Variants in PDXDC1 observed in about 807,000 individuals in gnomAD.
PDXDC1 encodes the protein pyridoxal-dependent decarboxylase domain-containing protein 1.
In PDXDC1, 42 loss-of-function variants were observed where a neutral mutation model predicts 100.1. The observed-to-expected ratio is 0.42, with a 90% CI of 0.33 to 0.54. The LOEUF is 0.54. PDXDC1 is among the 20% of genes least tolerant of loss of function. The pLI, the probability that PDXDC1 is intolerant of heterozygous loss-of-function variation, is 0.10. For missense variants in PDXDC1, 636 were observed against 979.2 expected (o/e 0.65, Z 4.68); for synonymous variants, 260 against 371.7 (o/e 0.70, Z 3.46).
intron 16 of PDXDC1, chr16:15,091,220 G>T: frequency 6.7e-7 from 1 of 1,490,692 alleles, no homozygotes. Context: ...CATGGAGAGA[G>T]CAAGTTCTGG....
At chr16:14,999,258 G>C (rs1340818301) in intron 3 of PDXDC1, among the ~76,000 whole-genome samples, 1 of 152,284 alleles carries the variant, frequency 6.6e-6, no homozygotes, top group African/African-American at 2.4e-5. Context: ...GTAGAGACGG[G>C]GTTTCACCAT....
At chr16:15,091,271 C>A (rs3893780) in intron 16 of PDXDC1, 23 of 1,604,920 alleles carry the variant, frequency 1.4e-5, no homozygotes, top group Admixed American at 3.4e-5. Flanking sequence ...TGTCTGTATA[C>A]AGTGGCAATA....
At position 15,055,992 on chromosome 16, in the gene PDXDC1, C is replaced by T. The variant is rs1213487076; in HGVS notation, c.1399+25936C>T. ...GGCATCGCGGAGGCGGCCGCCCAGG[C>T]AGGCCCAGGGAGGCGGCGGCCCCCC... On this transcript the variant is annotated intron_variant, in intron 16 of 16. Coordinates refer to the PDXDC1 transcript ENST00000535621. 1.0e-5 allele frequency: 12 copies of T among 1,203,092 alleles called. No individual in the cohort carries two copies. In the Admixed American group the frequency reaches 3.9e-4, roughly 40 times the overall value. The allele number at this position is 1,203,092 out of a possible 1,614,324, so 74.5% of individuals were successfully genotyped here.
In PDXDC1 at chr16:15,036,118, G is replaced by A; in HGVS notation, c.2210G>A (p.Ser737Asn). The change falls in exon 23 of 23, where the codon AGT becomes AAT. Residue 737 changes from serine to asparagine, a missense_variant. Physicochemically the swap from Ser to Asn is conservative, Grantham distance 46 (BLOSUM62 1). Coordinates refer to ENST00000396410, the MANE Select transcript of PDXDC1 (RefSeq NM_015027.4). ...TTAGAAAAGGTGGAGCGCCTATCCA[G>A]TGGGCCGGAGCAGATCACCCTCGAG... ...EDLEKVERLS[S>N]GPEQITLEAS... 2 of 1,614,172 alleles carry A rather than the reference G, an allele frequency of 1.2e-6. No homozygotes were observed. The highest frequency in any genetic ancestry group is 1.7e-6 in the Non-Finnish European group (2 of 1,180,044).
chr16:14,989,546 G>T (rs1406082120), intron 1 of PDXDC1: 1 of 1,611,936 alleles, frequency 6.2e-7, no homozygotes, highest in African/African-American at 1.3e-5. Context: ...TGAGCTGGAT[G>T]CGCTGCAGGT....
chr16:15,124,663 T>C (rs1471096827), intron 16 of PDXDC1, among the ~76,000 whole-genome samples: 1 of 151,272 alleles, frequency 6.6e-6, no homozygotes, highest in Admixed American at 6.6e-5. Context: ...TCCCACCTAC[T>C]TGGGAGGCTG....
intron 1 of PDXDC1, chr16:14,996,417 G>C: frequency 2.5e-6 from 1 of 392,172 alleles, no homozygotes; most frequent in Middle Eastern, 3.6e-4. Flanking sequence ...ACTTATATAT[G>C]ATATTATATG....
In PDXDC1 at chr16:14,989,093, C is replaced by T. The variant is rs560103172; in HGVS notation, c.22-8660C>T. On this transcript the variant is annotated intron_variant, in intron 1 of 22. Coordinates refer to ENST00000396410, the MANE Select transcript of PDXDC1 (RefSeq NM_015027.4). ...GCGTCAGGTTCACGGTGAGGCCAGA[C>T]GGCCTGTGGGTGTCAGTGATCTTCA... The T allele has an allele frequency of 4.8e-5, 78 of 1,614,196 alleles. No homozygotes were observed. The African/African-American group carries it at 5.3e-4, about 11-fold the overall frequency.
In PDXDC1 at chr16:15,036,196, A is replaced by C. The variant is rs1262180632; in HGVS notation, c.2288A>C (p.Gln763Pro). The C allele has an allele frequency of 6.2e-7, 1 of 1,614,154 alleles. No homozygotes were observed. Among genetic ancestry groups the C allele is most frequent in the Non-Finnish European group, 8.5e-7 (1 of 1,180,000 alleles). ...GCTCCCAGCCCTCAGCACACCGACC[A>C]GACCGAGGCCTTCCAGAAAGGGGTC... ...PGAPSPQHTD[Q>P]TEAFQKGVPH... The change falls in exon 23 of 23, where the codon CAG (glutamine) becomes CCG (proline). Residue 763 changes from glutamine to proline, a missense_variant. Physicochemically the swap from Gln to Pro is moderately conservative, Grantham distance 76 (BLOSUM62 -1). Around this residue, in one of 4 missense-constraint regions of PDXDC1, gnomAD observed 452 missense variants for 402.9 expected, o/e 1.12. Transcript: ENST00000396410.
chr16:15,087,256 T>C (rs1208453988), intron 16 of PDXDC1, among the ~76,000 whole-genome samples: 1 of 152,212 alleles, frequency 6.6e-6, no homozygotes, highest in Non-Finnish European at 1.5e-5. Context: ...TTAGTGAGAA[T>C]ACACCATATG....
Position 15,096,405 on chromosome 16 carries a change from C to T in PDXDC1, c.1400-42474C>T, listed in dbSNP as rs137920220. 1.4e-3 allele frequency among the ~76,000 whole-genome samples: 219 copies of T among 152,208 alleles called. 6 individuals carry two copies. The East Asian group carries it at 0.035, about 24-fold the overall frequency. Reference sequence around the variant, plus strand: ...ATTACAGGCATGAGCCACCACGCCCCGCCAGCAGTTTGTTAAACATAAACC... The same window carrying T: ...ATTACAGGCATGAGCCACCACGCCCTGCCAGCAGTTTGTTAAACATAAACC... On this transcript the variant is annotated intron_variant, in intron 16 of 16. Coordinates refer to the PDXDC1 transcript ENST00000535621.
chr16:15,051,522 C>CTGT (rs1313403201), intron 16 of PDXDC1, among the ~76,000 whole-genome samples: 1 of 151,628 alleles, frequency 6.6e-6, no homozygotes, highest in Non-Finnish European at 1.5e-5. Context: ...AGTTTTTGTA[C>CTGT]TGTTTGTAGA....
intron 16 of PDXDC1, among the ~76,000 whole-genome samples, chr16:15,099,752 T>C (rs1314989759): frequency 2.0e-5 from 3 of 152,176 alleles, no homozygotes; most frequent in Non-Finnish European, 4.4e-5. Flanking sequence ...GAGTAATATA[T>C]TGTTTGTAAT....
At chr16:15,125,954 G>A (rs991803814) in intron 16 of PDXDC1, 21 of 607,576 alleles carry the variant, frequency 3.5e-5, no homozygotes, top group East Asian at 5.5e-5. Context: ...CATCTGCACC[G>A]TCCGTGATGG....
intron 16 of PDXDC1, among the ~76,000 whole-genome samples, chr16:15,091,889 A>G (rs991035037): frequency 2.0e-5 from 3 of 152,142 alleles, no homozygotes; most frequent in African/African-American, 7.2e-5. Context: ...AAAAAATAAA[A>G]TGCTGTAGGC....
At chr16:15,126,979 T>G (rs999040491) in intron 16 of PDXDC1, 3 of 328,644 alleles carry the variant, frequency 9.1e-6, no homozygotes, top group African/African-American at 6.5e-5. Flanking sequence ...TTTATATAGA[T>G]GTGGTCTTGC....
At chr16:15,061,555 G>C (rs1368210346) in intron 16 of PDXDC1, 2 of 483,882 alleles carry the variant, frequency 4.1e-6, no homozygotes, top group Non-Finnish European at 7.4e-6. Context: ...TGTCTGTAAG[G>C]GGAACAACAA....
rs762673471 is a variant in PDXDC1, at chr16:15,068,157, T to C, written c.1399+38101T>C. The C allele has an allele frequency of 5.2e-6, 8 of 1,529,880 alleles. No homozygotes were observed. The East Asian group carries it at 1.9e-4, about 36-fold the overall frequency. The allele number at this position is 1,529,880 out of a possible 1,614,324, so 94.8% of individuals were successfully genotyped here. ...TTAAATAACTCCCATCAAGAAAGCG[T>C]AAATAACTTACTTTGTGATTGCAGC... On this transcript the variant is annotated intron_variant, in intron 16 of 16. Coordinates refer to the PDXDC1 transcript ENST00000535621.
chr16:15,019,821 CA>C (rs1395941208), intron 12 of PDXDC1, among the ~76,000 whole-genome samples: 1 of 152,208 alleles, frequency 6.6e-6, no homozygotes, highest in Non-Finnish European at 1.5e-5. Context: ...ATTTAGAAAG[CA>C]AAAAAACAGG....
Sources: gnomAD v4.1 joint callset for allele counts (sites outside exome capture counted in the v4.1 genomes callset) on GRCh38, gnomAD v4.1.1 for gene constraint, gnomAD v4.1.1 regional missense constraint, MANE v1.5 for transcripts, NCBI Gene and HGNC (gene_info 2026-07-23, HGNC 2026-07-21) for gene names.